Variants in MSR1 observed in about 807,000 individuals in gnomAD.
The protein encoded by MSR1 is macrophage scavenger receptor types I and II.
In MSR1, 53 loss-of-function variants were observed where a neutral mutation model predicts 47.2. The observed-to-expected ratio is 1.12, with a 90% CI of 0.90 to 1.41. MSR1 has a LOEUF of 1.41. MSR1 is among the 40% of genes most tolerant of loss of function. MSR1 has a pLI of 0.00. For missense variants in MSR1, 786 were observed against 546.9 expected (o/e 1.44, Z -4.36); for synonymous variants, 239 against 185.6 (o/e 1.29, Z -2.34).
intron 1 of MSR1, among the ~76,000 whole-genome samples, chr8:16,185,642 C>G (rs924346645): frequency 6.6e-6 from 1 of 152,082 alleles, no homozygotes; most frequent in Admixed American, 6.6e-5. Flanking sequence ...TTGATCCATT[C>G]CTTCCATTCT....
intron 1 of MSR1, among the ~76,000 whole-genome samples, chr8:16,184,616 A>G (rs1263180561): frequency 3.3e-5 from 5 of 152,178 alleles, no homozygotes; most frequent in Non-Finnish European, 7.4e-5. Flanking sequence ...TACCCAAAAT[A>G]TAACATTGAA....
intron 8 of MSR1, among the ~76,000 whole-genome samples, chr8:16,124,253 G>C (rs570675546): frequency 3.3e-5 from 5 of 152,202 alleles, no homozygotes; most frequent in African/African-American, 1.2e-4. Flanking sequence ...AAAGAGTTTT[G>C]AGCAGACAAA....
At chr8:16,133,270 A>C (rs1436331487) in intron 8 of MSR1, among the ~76,000 whole-genome samples, 1 of 152,210 alleles carries the variant, frequency 6.6e-6, no homozygotes, top group African/African-American at 2.4e-5. Flanking sequence ...TAAGAATTTA[A>C]CTATATCAAT....
At chr8:16,150,140 G>GTGTGAATATATA (rs1402495981) in intron 7 of MSR1, 91 bp downstream of exon 7, 4 of 172,634 alleles carry the variant, frequency 2.3e-5, no homozygotes, top group African/African-American at 1.2e-4. Context: ...GTGTGTGTGT[G>GTGTGAATATATA]TATATATATA....
At chr8:16,177,519 G>A (rs1226884586) in intron 2 of MSR1, among the ~76,000 whole-genome samples, 8 of 151,722 alleles carry the variant, frequency 5.3e-5, no homozygotes, top group African/African-American at 1.7e-4. Context: ...AACTGTGAGC[G>A]AATACATTTC....
intron 3 of MSR1, among the ~76,000 whole-genome samples, chr8:16,170,448 A>C (rs905373772): frequency 6.6e-6 from 1 of 152,056 alleles, no homozygotes; most frequent in South Asian, 2.1e-4. Flanking sequence ...CTGTTTTCCT[A>C]TATCTCTCTA....
At chr8:16,163,484 T>C (rs1801217750) in intron 5 of MSR1, among the ~76,000 whole-genome samples, 1 of 151,436 alleles carries the variant, frequency 6.6e-6, no homozygotes, top group South Asian at 2.1e-4. Context: ...AAAAAATCTA[T>C]AATGTAAAGC....
chr8:16,145,352 G>C (rs1434463449), intron 7 of MSR1, among the ~76,000 whole-genome samples: 5 of 152,116 alleles, frequency 3.3e-5, no homozygotes, highest in Non-Finnish European at 7.4e-5. Context: ...AGAGGAAAAA[G>C]CTCTAAGAAA....
intron 8 of MSR1, among the ~76,000 whole-genome samples, chr8:16,128,274 A>G (rs1800175457): frequency 6.6e-6 from 1 of 152,144 alleles, no homozygotes; most frequent in Admixed American, 6.5e-5. Flanking sequence ...CAATATTCGT[A>G]TGCTGAAGTC....
chr8:16,131,531 G>C (rs181566274), intron 8 of MSR1, among the ~76,000 whole-genome samples: 1 of 137,836 alleles, frequency 7.3e-6, no homozygotes. Flanking sequence ...ATTGCTTTTG[G>C]CATCTTCATC....
intron 6 of MSR1, among the ~76,000 whole-genome samples, chr8:16,150,532 A>G (rs1800826888): frequency 6.6e-6 from 1 of 152,136 alleles, no homozygotes. Flanking sequence ...TTCAATAAAT[A>G]ACATATTGTT....
intron 9 of MSR1, among the ~76,000 whole-genome samples, chr8:16,111,114 G>A (rs901956504): frequency 4.6e-5 from 7 of 152,054 alleles, no homozygotes; most frequent in Admixed American, 1.3e-4. Flanking sequence ...GAGCATGTTT[G>A]TATGTGTATA....
At chr8:16,115,871 C>T (rs968632917) in intron 9 of MSR1, among the ~76,000 whole-genome samples, 22 of 151,876 alleles carry the variant, frequency 1.4e-4, no homozygotes, top group African/African-American at 3.6e-4. Flanking sequence ...CCTGTGGTCC[C>T]GAGAAACTCT....
chr8:16,189,119 T>A (rs1299036585), intron 1 of MSR1, among the ~76,000 whole-genome samples: 2 of 145,910 alleles, frequency 1.4e-5, no homozygotes, highest in African/African-American at 2.5e-5. Context: ...ATTTCATATA[T>A]ACGCAAAACC....
At chr8:16,133,578 G>A (rs1233392387) in intron 8 of MSR1, among the ~76,000 whole-genome samples, 1 of 152,102 alleles carries the variant, frequency 6.6e-6, no homozygotes, top group Non-Finnish European at 1.5e-5. Flanking sequence ...TGGCCCTCCA[G>A]GAAGTCAACA....
intron 1 of MSR1, among the ~76,000 whole-genome samples, chr8:16,178,718 C>G (rs981864873): frequency 2.0e-5 from 3 of 152,136 alleles, no homozygotes; most frequent in African/African-American, 7.2e-5. Flanking sequence ...TACAGTCCCA[C>G]CAACAGTGTA....
chr8:16,140,834 G>A, intron 8 of MSR1: 1 of 1,554,746 alleles, frequency 6.4e-7, no homozygotes, highest in Non-Finnish European at 8.7e-7. Flanking sequence ...ACAGCACCAG[G>A]GACCAGGAGA....
Position 16,155,465 on chromosome 8 carries a change from T to C in MSR1, c.818-321A>G, listed in dbSNP as rs535550316. ...GGCTGGCACAAAGTCACATTAGTGT[T>C]GTACGCATCCTAGGCAGTTAGACAT... On this transcript the variant is annotated intron_variant, in intron 5 of 9. Transcript: ENST00000262101. 1.7e-4 allele frequency among the ~76,000 whole-genome samples: 26 copies of C among 152,144 alleles called. No homozygotes were observed. In the Middle Eastern group the frequency reaches 0.02, roughly 119 times the overall value.
At chr8:16,115,232 G>T (rs1799851637) in intron 9 of MSR1, among the ~76,000 whole-genome samples, 1 of 152,148 alleles carries the variant, frequency 6.6e-6, no homozygotes, top group African/African-American at 2.4e-5. Flanking sequence ...TGTACAATAT[G>T]ATATGAACCT....
Sources: allele counts gnomAD v4.1 joint callset (sites outside exome capture counted in the v4.1 genomes callset), GRCh38; gene constraint gnomAD v4.1.1; transcripts MANE v1.5; gene names NCBI Gene and HGNC (gene_info 2026-07-23, HGNC 2026-07-21).